Variants in TENM2 observed in about 807,000 individuals in gnomAD.
TENM2 encodes teneurin-2.
In TENM2, 52 loss-of-function variants were observed where a neutral mutation model predicts 245.2. That is an observed-to-expected ratio of 0.21 (90% CI 0.17 to 0.27). TENM2 has a LOEUF of 0.27. TENM2 is among the 10% of genes least tolerant of loss of function. The pLI, the probability that TENM2 is intolerant of heterozygous loss-of-function variation, is 1.00. For missense variants in TENM2, 3,046 were observed against 3,666.8 expected (o/e 0.83, Z 4.37); for synonymous variants, 1,363 against 1,438.9 (o/e 0.95, Z 1.19).
intron 2 of TENM2, among the ~76,000 whole-genome samples, chr5:167,553,019 T>C (rs1340557723): frequency 6.6e-6 from 1 of 152,188 alleles, no homozygotes; most frequent in Non-Finnish European, 1.5e-5. Context: ...ATTAATCAAA[T>C]AGGCAACCAA....
chr5:167,483,685 A>G (rs1217527165), intron 2 of TENM2, among the ~76,000 whole-genome samples: 1 of 152,206 alleles, frequency 6.6e-6, no homozygotes, highest in African/African-American at 2.4e-5. Flanking sequence ...TCAACTTGAA[A>G]AGGTTACAAA....
At chr5:168,200,969 T>A (rs1030785773) in intron 17 of TENM2, among the ~76,000 whole-genome samples, 6 of 152,226 alleles carry the variant, frequency 3.9e-5, no homozygotes, top group African/African-American at 9.7e-5. Context: ...ATTTTCACTA[T>A]AATTGGTAGC....
intron 2 of TENM2, among the ~76,000 whole-genome samples, chr5:167,810,319 T>C (rs1766539665): frequency 6.6e-6 from 1 of 152,098 alleles, no homozygotes; most frequent in East Asian, 1.9e-4. Context: ...ACGGTGTTAG[T>C]GGCGCATACA....
chr5:167,525,369 A>G (rs575462270), intron 2 of TENM2, among the ~76,000 whole-genome samples: 2 of 152,226 alleles, frequency 1.3e-5, no homozygotes, highest in Admixed American at 6.5e-5. Context: ...TCTTTATATA[A>G]TGGTGTTTCC....
chr5:167,938,649 T>A (rs751969849), intron 3 of TENM2: 1 of 152,076 alleles, frequency 6.6e-6, no homozygotes, highest in Non-Finnish European at 1.5e-5. Context: ...AAGGAACATG[T>A]GAACAAATGA....
At chr5:167,845,434 C>T (rs1270413355) in intron 2 of TENM2, among the ~76,000 whole-genome samples, 1 of 152,064 alleles carries the variant, frequency 6.6e-6, no homozygotes, top group Non-Finnish European at 1.5e-5. Flanking sequence ...TCATTAATGT[C>T]GCAGCTCAGA....
intron 27 of TENM2, among the ~76,000 whole-genome samples, chr5:168,259,674 C>T (rs757448748): frequency 1.2e-4 from 18 of 152,188 alleles, no homozygotes; most frequent in Non-Finnish European, 1.6e-4. Context: ...CTTGGAAACC[C>T]CTTTCCATAG....
chr5:167,526,778 G>A (rs988191947), intron 2 of TENM2, among the ~76,000 whole-genome samples: 12 of 151,944 alleles, frequency 7.9e-5, no homozygotes, highest in African/African-American at 2.9e-4. Flanking sequence ...TTCTCCGTTA[G>A]TATATATTTG....
chr5:167,942,691 G>A (rs1304761976), intron 3 of TENM2, among the ~76,000 whole-genome samples: 2 of 152,194 alleles, frequency 1.3e-5, no homozygotes, highest in African/African-American at 4.8e-5. Flanking sequence ...CTCTAAGCCT[G>A]CTCAGCAGCG....
At chr5:167,133,471 G>C in the TENM2 span, among the ~76,000 whole-genome samples, 1 of 152,130 alleles carries the variant, frequency 6.6e-6, no homozygotes, top group African/African-American at 2.4e-5. Context: ...CTCTTATGTA[G>C]GCCTTGCTTC....
At chr5:167,143,030 C>T in the TENM2 span, among the ~76,000 whole-genome samples, 4 of 152,158 alleles carry the variant, frequency 2.6e-5, no homozygotes, top group East Asian at 7.7e-4. Flanking sequence ...AGTCACATGG[C>T]AGAAGTCTGG....
chr5:168,158,854 C>CACAT (rs1757476028), intron 12 of TENM2, among the ~76,000 whole-genome samples: 2 of 78,052 alleles, frequency 2.6e-5, no homozygotes, highest in African/African-American at 9.0e-5. Flanking sequence ...TATATATACA[C>CACAT]ACACACACAC....
intron 2 of TENM2, among the ~76,000 whole-genome samples, chr5:167,583,511 C>CACACACACACA (rs1554085391): frequency 6.8e-6 from 1 of 147,652 alleles, no homozygotes; most frequent in African/African-American, 2.5e-5. Context: ...CACACACACA[C>CACACACACACA]CCCAAACCTA....
chr5:167,409,771 T>TTG (rs143542375), intron 2 of TENM2, among the ~76,000 whole-genome samples: 1 of 151,452 alleles, frequency 6.6e-6, no homozygotes, highest in African/African-American at 2.4e-5. Flanking sequence ...GTGTGTGTGT[T>TTG]TGTGTGTGTG....
chr5:167,698,243 T>C (rs1384918477), intron 2 of TENM2, among the ~76,000 whole-genome samples: 1 of 152,218 alleles, frequency 6.6e-6, no homozygotes, highest in Non-Finnish European at 1.5e-5. Flanking sequence ...CCGGTCAAAG[T>C]ACTGCATCTC....
chr5:168,224,616 A>AC (rs1162885785), intron 23 of TENM2, among the ~76,000 whole-genome samples: 4 of 151,960 alleles, frequency 2.6e-5, no homozygotes, highest in Non-Finnish European at 5.9e-5. Context: ...GGCCCTCCCC[A>AC]CAGGGATCCT....
intron 1 of TENM2, among the ~76,000 whole-genome samples, chr5:167,328,321 C>A (rs1757218455): frequency 6.7e-6 from 1 of 149,636 alleles, no homozygotes; most frequent in Admixed American, 6.7e-5. Context: ...ATCCTCCTGA[C>A]TCAGCCTCCT....
intron 2 of TENM2, among the ~76,000 whole-genome samples, chr5:167,497,385 T>C (rs1768887372): frequency 6.6e-6 from 1 of 152,146 alleles, no homozygotes; most frequent in Non-Finnish European, 1.5e-5. Flanking sequence ...AGATGTTCTC[T>C]GACAACATAG....
intron 5 of TENM2, among the ~76,000 whole-genome samples, chr5:168,011,787 A>T (rs1581050993): frequency 1.3e-5 from 2 of 152,336 alleles, no homozygotes; most frequent in South Asian, 4.1e-4. Context: ...CTGAATGTAA[A>T]TCTTCCTAAA....
Sources: allele counts gnomAD v4.1 joint callset (sites outside exome capture counted in the v4.1 genomes callset), GRCh38; gene constraint gnomAD v4.1.1; transcripts MANE v1.5; gene names NCBI Gene and HGNC (gene_info 2026-07-23, HGNC 2026-07-21).